The following INO80C variants were observed in gnomAD, a reference collection of about 807,000 sequenced individuals.
INO80C encodes the protein IES6 homolog.
In INO80C, 17 loss-of-function variants were observed where a neutral mutation model predicts 17.7. The observed-to-expected ratio is 0.96, with a 90% CI of 0.66 to 1.44. The LOEUF is 1.44. INO80C is among the 40% of genes most tolerant of loss of function. INO80C has a pLI of 0.00. For synonymous variants in INO80C, 96 were observed against 95.8 expected (o/e 1.00, Z -0.01); for missense variants, 244 against 245.0 (o/e 1.00, Z 0.03).
At chr18:35,484,161 A>G (rs1370285703) in intron 1 of INO80C, among the ~76,000 whole-genome samples, 6 of 152,334 alleles carry the variant, frequency 3.9e-5, no homozygotes, top group Non-Finnish European at 8.8e-5. Context: ...GCACATGTTA[A>G]TAATTCTGAA....
chr18:35,497,775 C>A lies in INO80C; in HGVS notation c.100G>T (p.Gly34Cys), dbSNP rs770341459. Reference sequence around the variant, plus strand: ...TTCTTACTGGCGCCATAGCCCCCGCCGCTGCTGCCATTGTGGGAAGGGCTG... The same window carrying A: ...TTCTTACTGGCGCCATAGCCCCCGCAGCTGCTGCCATTGTGGGAAGGGCTG... Reference protein sequence around the residue: ...PASPSHNGSSGGGYGASKKKK... With the variant: ...PASPSHNGSSCGGYGASKKKK... The change falls in exon 1 of 5, where the codon GGC becomes TGC. Residue 34 changes from glycine (G) to cysteine (C), a missense_variant. Transcript: ENST00000334598. 1 of 1,613,150 alleles carries A rather than the reference C, an allele frequency of 6.2e-7. No individual in the cohort carries two copies. Among genetic ancestry groups the A allele is most frequent in the South Asian group, 1.1e-5 (1 of 91,040 alleles).
chr18:35,469,637 C>T (rs888172680), intron 4 of INO80C, among the ~76,000 whole-genome samples: 2 of 152,166 alleles, frequency 1.3e-5, no homozygotes, highest in South Asian at 2.1e-4. Flanking sequence ...AGAACCTCAC[C>T]CTCCACTTTC....
At chr18:35,485,591 T>C (rs577426124) in intron 1 of INO80C, among the ~76,000 whole-genome samples, 26 of 152,078 alleles carry the variant, frequency 1.7e-4, no homozygotes, top group African/African-American at 6.3e-4. Flanking sequence ...CATACATTGC[T>C]GGTAAGAACG....
chr18:35,476,304 G>A (rs980046042), intron 4 of INO80C, among the ~76,000 whole-genome samples: 2 of 152,248 alleles, frequency 1.3e-5, no homozygotes, highest in Admixed American at 6.5e-5. Context: ...AGAGCCAAGA[G>A]GAGTCTAACG....
At chr18:35,472,970 G>A (rs2045688171) in intron 4 of INO80C, among the ~76,000 whole-genome samples, 2 of 152,184 alleles carry the variant, frequency 1.3e-5, no homozygotes, top group Non-Finnish European at 2.9e-5. Context: ...CCTACATACA[G>A]TGGGGCAAGA....
chr18:35,480,491 C>T lies in INO80C; in HGVS notation c.229G>A (p.Ala77Thr). ...TCCTTAAATGGCAAAGGTTTGGCAG[C>T]TTTTTCCACAGGTCCTGTGCTAAAC... ...SEFSTGPVEK[A>T]AKPLPFKDPN... Residue 77 changes from alanine (A) to threonine (T), a missense_variant, in exon 2 of 5, where the codon GCT (alanine) becomes ACT (threonine). Transcript: ENST00000334598. The T allele has an allele frequency of 6.2e-7, 1 of 1,614,132 alleles. No individual in the cohort carries two copies. Among genetic ancestry groups the T allele is most frequent in the Non-Finnish European group, 8.5e-7 (1 of 1,179,946 alleles).
rs1026069355 is a variant in INO80C, at chr18:35,470,546, T to A, written c.448-1804A>T. On this transcript the variant is annotated intron_variant, in intron 4 of 4. Coordinates refer to ENST00000334598, the MANE Select transcript of INO80C (RefSeq NM_194281.4). ...CAGTTCCGAGCAGAGTGTAGGCATG[T>A]GTGTCTGGCGTGGACCATCTGGCCT... is the stretch of plus-strand genomic sequence containing the variant. 4.6e-5 allele frequency among the ~76,000 whole-genome samples: 7 copies of A among 152,226 alleles called. No homozygotes were observed. In the East Asian group the frequency reaches 1.4e-3, roughly 29 times the overall value.
At chr18:35,468,793 T>C in intron 4 of INO80C, 51 bp from the exon 5 acceptor site, 3 of 1,546,348 alleles carry the variant, frequency 1.9e-6, no homozygotes, top group Non-Finnish European at 2.7e-6. Flanking sequence ...CTGGTAGGGA[T>C]ATTTTAAGTT....
At position 35,468,388 on chromosome 18, in the gene INO80C, A is replaced by C. The variant is rs2045627288; in HGVS notation, c.*223T>G. On this transcript the variant is annotated 3_prime_UTR_variant, in exon 5 of 5. Coordinates refer to ENST00000334598, the MANE Select transcript of INO80C (RefSeq NM_194281.4). ...CTTGTCAAACACCTTTACTTGAGGC[A>C]ACAACTGAAGTATAATTTAATTCAG... 3 of 1,375,864 alleles carry C rather than the reference A, an allele frequency of 2.2e-6. No individual in the cohort carries two copies. The highest frequency in any genetic ancestry group is 2.8e-6 in the Non-Finnish European group (3 of 1,063,514). The allele number at this position is 1,375,864 out of a possible 1,614,324, so 85.2% of individuals were successfully genotyped here.
At chr18:35,477,050 C>T (rs1252196991) in intron 4 of INO80C, among the ~76,000 whole-genome samples, 1 of 152,164 alleles carries the variant, frequency 6.6e-6, no homozygotes, top group Non-Finnish European at 1.5e-5. Context: ...TCAAGACCAG[C>T]CTGGCCAACA....
At chr18:35,497,137 G>C (rs530951259) in intron 1 of INO80C, among the ~76,000 whole-genome samples, 1 of 152,298 alleles carries the variant, frequency 6.6e-6, no homozygotes, top group South Asian at 2.1e-4. Context: ...AACCTAGATT[G>C]TTCAGAGGCC....
At chr18:35,470,131 G>A (rs2045651799) in intron 4 of INO80C, among the ~76,000 whole-genome samples, 1 of 151,224 alleles carries the variant, frequency 6.6e-6, no homozygotes, top group South Asian at 2.1e-4. Context: ...ACTTTAATGT[G>A]GATCATCTTT....
At chr18:35,470,602 A>G (rs942897136) in intron 4 of INO80C, among the ~76,000 whole-genome samples, 1 of 152,176 alleles carries the variant, frequency 6.6e-6, no homozygotes, top group Non-Finnish European at 1.5e-5. Context: ...GCTGAGCTCC[A>G]TGTCTGTGGC....
Position 35,478,330 on chromosome 18 carries a change from AG to A in INO80C, c.398del (p.Pro133LeufsTer52). 3 of 1,583,314 alleles carry A rather than the reference AG, an allele frequency of 1.9e-6. No homozygotes were observed. The highest frequency in any genetic ancestry group is 2.6e-6 in the Non-Finnish European group (3 of 1,155,400). ...NDPNYFSIDA[P>X]PSFKPAKKYS... The stretch of plus-strand genomic sequence containing the variant: ...ACTTCTTAGCTGGCTTAAAGGATGG[AG>A]GAGCATCAATACTGAAGTCTGGGAA... On this transcript the variant is annotated frameshift_variant, in exon 4 of 5. Transcript: ENST00000334598. LOFTEE classifies it high-confidence loss of function.
At chr18:35,471,069 A>C (rs1453833141) in intron 4 of INO80C, among the ~76,000 whole-genome samples, 2 of 152,238 alleles carry the variant, frequency 1.3e-5, no homozygotes, top group African/African-American at 4.8e-5. Flanking sequence ...TGCCATGCCT[A>C]GGCACAGGGG....
In INO80C at chr18:35,468,710, C is replaced by T. The variant is rs1459693658; in HGVS notation, c.480G>A (p.Arg160=). 1.1e-5 allele frequency: 17 copies of T among 1,614,164 alleles called. No individual in the cohort carries two copies. The highest frequency in any genetic ancestry group is 1.4e-5 in the Non-Finnish European group (16 of 1,180,018). Residue 160 remains arginine (R), a synonymous_variant, in exon 5 of 5, where the codon CGG becomes CGA. Transcript: ENST00000334598. Reference sequence around the variant, plus strand: ...AGGAAAACTCTTCAATGGTGCTGAACCGCAGTTTGCTCTGGGGGTCTGTGT... The same window carrying T: ...AGGAAAACTCTTCAATGGTGCTGAATCGCAGTTTGCTCTGGGGGTCTGTGT... ...ANYTDPQSKL[R]FSTIEEFSYI... is the part of the protein sequence containing the mutation.
At chr18:35,491,557 C>A (rs1191615444) in intron 1 of INO80C, among the ~76,000 whole-genome samples, 1 of 152,016 alleles carries the variant, frequency 6.6e-6, no homozygotes, top group Non-Finnish European at 1.5e-5. Flanking sequence ...CCTTCTCTAA[C>A]CAGAGACACC....
At chr18:35,475,634 C>T (rs2045726300) in intron 4 of INO80C, among the ~76,000 whole-genome samples, 1 of 151,468 alleles carries the variant, frequency 6.6e-6, no homozygotes, top group Admixed American at 6.6e-5. Context: ...GATGGCATCA[C>T]TGCACTCCAG....
At chr18:35,496,082 C>A (rs1454770165) in intron 1 of INO80C, among the ~76,000 whole-genome samples, 1 of 152,174 alleles carries the variant, frequency 6.6e-6, no homozygotes, top group Non-Finnish European at 1.5e-5. Flanking sequence ...AAAAACAGTG[C>A]AACTACTTTG....
Sources: allele counts gnomAD v4.1 joint callset (sites outside exome capture counted in the v4.1 genomes callset), GRCh38; gene constraint gnomAD v4.1.1; transcripts MANE v1.5; gene names NCBI Gene and HGNC (gene_info 2026-07-23, HGNC 2026-07-21).